Variants in ADAM29 observed in about 807,000 individuals in gnomAD.
ADAM29 encodes ADAM metallopeptidase domain 29.
For missense variants in ADAM29, 969 were observed against 1,001.8 expected (o/e 0.97, Z 0.44); for synonymous variants, 367 against 342.3 (o/e 1.07, Z -0.80).
rs528059863 is a variant in ADAM29, at chr4:174,966,332, A to G, written c.-180-9014A>G. Reference sequence around the variant, plus strand: ...AGCCGCATGAGCCTTAATTCATTTCAGCATCAACTCTGAAGTCTAAAATTC... The same window carrying G: ...AGCCGCATGAGCCTTAATTCATTTCGGCATCAACTCTGAAGTCTAAAATTC... On this transcript the variant is annotated intron_variant, in intron 4 of 4. Transcript: ENST00000359240. 2.6e-5 allele frequency among the ~76,000 whole-genome samples: 4 copies of G among 152,338 alleles called. No homozygotes were observed. The East Asian group carries it at 7.7e-4, about 29-fold the overall frequency.
In ADAM29 at chr4:174,976,788, A is replaced by G; in HGVS notation, c.1263A>G (p.Lys421=). The G allele has an allele frequency of 6.2e-7, 1 of 1,614,154 alleles. No individual in the cohort carries two copies. Among genetic ancestry groups the G allele is most frequent in the South Asian group, 1.1e-5 (1 of 91,086 alleles). ...CDCGPLKHCA[K]DPCCLSNCTL... Reference sequence around the variant, plus strand: ...GTGGACCTTTAAAGCATTGTGCAAAAGATCCCTGCTGTCTGTCAAATTGCA... The same window carrying G: ...GTGGACCTTTAAAGCATTGTGCAAAGGATCCCTGCTGTCTGTCAAATTGCA... Residue 421 remains lysine (K), a synonymous_variant, in exon 5 of 5, where the codon AAA becomes AAG. Coordinates refer to ENST00000359240, the MANE Select transcript of ADAM29 (RefSeq NM_014269.4).
chr4:174,976,502 T>G lies in ADAM29; in HGVS notation c.977T>G (p.Phe326Cys). The G allele has an allele frequency of 6.2e-7, 1 of 1,611,876 alleles. No individual in the cohort carries two copies. The change falls in exon 5 of 5, where the codon TTT (phenylalanine) becomes TGT (cysteine). Residue 326 changes from phenylalanine (F) to cysteine (C), a missense_variant. By Grantham distance (205) the Phe-to-Cys change is radical. Transcript: ENST00000359240. ...TTCATGAACAAAACTTTGGGCACTT[T>G]TTCAATTGCAGTGGCTCATCATCTA... ...VTFMNKTLGT[F>C]SIAVAHHLGH...
chr4:174,961,925 A>T (rs773106809), intron 4 of ADAM29, among the ~76,000 whole-genome samples: 2 of 152,152 alleles, frequency 1.3e-5, no homozygotes, highest in African/African-American at 4.8e-5. Context: ...ACCTTCTCCA[A>T]TTAAGAATTA....
At chr4:174,969,332 A>G (rs1380092847) in intron 4 of ADAM29, among the ~76,000 whole-genome samples, 1 of 151,902 alleles carries the variant, frequency 6.6e-6, no homozygotes, top group East Asian at 1.9e-4. Context: ...CAAAGTAAAA[A>G]TTAAAAAAAA....
intron 4 of ADAM29, among the ~76,000 whole-genome samples, chr4:174,957,497 A>T (rs1395154837): frequency 1.3e-5 from 2 of 151,812 alleles, no homozygotes; most frequent in African/African-American, 4.8e-5. Flanking sequence ...TTCAGGGACA[A>T]ACTGTTTATA....
Position 174,973,573 on chromosome 4 carries a change from C to A in ADAM29, c.-180-1773C>A, listed in dbSNP as rs1229852571. On this transcript the variant is annotated intron_variant, in intron 4 of 4. Transcript: ENST00000359240. ...TGTCACTCTGTAGGAGATGCTTGAT[C>A]CTATTTAAACTTTCTATTTTAGAAG... Among the ~76,000 whole-genome samples the A allele has an allele frequency of 2.6e-5, 4 of 152,284 alleles. No individual in the cohort carries two copies. In the East Asian group the frequency reaches 7.7e-4, roughly 29 times the overall value.
intron 4 of ADAM29, among the ~76,000 whole-genome samples, chr4:174,953,549 C>T (rs1021400097): frequency 6.6e-6 from 1 of 152,076 alleles, no homozygotes; most frequent in African/African-American, 2.4e-5. Flanking sequence ...AAAACTGGCC[C>T]AGATATACAG....
chr4:174,970,275 T>C (rs1339717683), intron 4 of ADAM29, among the ~76,000 whole-genome samples: 1 of 151,996 alleles, frequency 6.6e-6, no homozygotes, highest in Non-Finnish European at 1.5e-5. Context: ...TGAATTAAGG[T>C]TGCAGATGGA....
chr4:174,974,582 T>C (rs1746648584), intron 4 of ADAM29, among the ~76,000 whole-genome samples: 1 of 152,232 alleles, frequency 6.6e-6, no homozygotes, highest in African/African-American at 2.4e-5. Flanking sequence ...TTATCATAGA[T>C]GTTGAATAAT....
At chr4:174,947,763 G>A (rs1347994212) in intron 4 of ADAM29, among the ~76,000 whole-genome samples, 1 of 152,148 alleles carries the variant, frequency 6.6e-6, no homozygotes, top group Non-Finnish European at 1.5e-5. Flanking sequence ...GGTCCATTTG[G>A]TCATGTGCCA....
intron 3 of ADAM29, among the ~76,000 whole-genome samples, chr4:174,936,249 A>C (rs11941121): frequency 0.27 from 41,388 of 151,950 alleles, 6,321 homozygotes; most frequent in Non-Finnish European, 0.34. Context: ...GAATTCCCAA[A>C]TAAAAGCAAA....
At chr4:174,958,511 A>T (rs1045505533) in intron 4 of ADAM29, among the ~76,000 whole-genome samples, 17 of 151,660 alleles carry the variant, frequency 1.1e-4, no homozygotes, top group Admixed American at 4.6e-4. Flanking sequence ...CCATCCTTTT[A>T]ATTTGTCATA....
chr4:174,973,169 A>G (rs1252927892), intron 4 of ADAM29, among the ~76,000 whole-genome samples: 2 of 152,240 alleles, frequency 1.3e-5, no homozygotes, highest in Admixed American at 1.3e-4. Flanking sequence ...TGAAACCACC[A>G]TCTCCATCCT....
chr4:174,924,324 T>C (rs2110901178), intron 2 of ADAM29, among the ~76,000 whole-genome samples: 1 of 152,252 alleles, frequency 6.6e-6, no homozygotes. Flanking sequence ...TTTAAAAAAT[T>C]GGACAATACC....
intron 4 of ADAM29, among the ~76,000 whole-genome samples, chr4:174,949,682 T>C (rs1745061469): frequency 6.6e-6 from 1 of 152,062 alleles, no homozygotes; most frequent in Admixed American, 6.5e-5. Context: ...TCACAGTCTC[T>C]TGGTGGGAGA....
chr4:174,937,450 C>T (rs1039880388), intron 4 of ADAM29, among the ~76,000 whole-genome samples: 3 of 152,062 alleles, frequency 2.0e-5, no homozygotes, highest in Middle Eastern at 6.8e-3. Flanking sequence ...TGTCAAAGTT[C>T]AAAAACATCT....
chr4:174,940,773 G>C (rs1251378304), intron 4 of ADAM29, among the ~76,000 whole-genome samples: 1 of 151,998 alleles, frequency 6.6e-6, no homozygotes, highest in Non-Finnish European at 1.5e-5. Flanking sequence ...TTTCAGCATG[G>C]TCATGATTAT....
intron 4 of ADAM29, among the ~76,000 whole-genome samples, chr4:174,967,274 A>C (rs1025018772): frequency 3.9e-5 from 6 of 152,188 alleles, no homozygotes; most frequent in Non-Finnish European, 5.9e-5. Context: ...AAACTTGTTC[A>C]TCTCAATCAT....
intron 2 of ADAM29, among the ~76,000 whole-genome samples, chr4:174,921,069 T>G (rs1019882398): frequency 6.6e-5 from 10 of 152,116 alleles, no homozygotes; most frequent in Admixed American, 1.3e-4. Flanking sequence ...ATGCCAGTCT[T>G]TGGTTCTACA....
Sources: gnomAD v4.1 joint callset for allele counts (sites outside exome capture counted in the v4.1 genomes callset) on GRCh38, gnomAD v4.1.1 for gene constraint, MANE v1.5 for transcripts, NCBI Gene and HGNC (gene_info 2026-07-23, HGNC 2026-07-21) for gene names.